The following P3H3 variants were observed in gnomAD, a reference collection of about 807,000 sequenced individuals.
P3H3 encodes gene rich cluster, B.
Under a neutral mutation model 78.1 loss-of-function variants are expected in P3H3, and 64 were observed. The ratio of observed to expected loss-of-function variants is 0.82; its 90% CI spans 0.67 to 1.01. The LOEUF is 1.01. P3H3 is among the 50% of genes least tolerant of loss of function. The probability of loss-of-function intolerance (pLI) is 0.00; values close to 1 mark genes in which losing one functional copy is unlikely to be tolerated. For missense variants in P3H3, 975 were observed against 982.2 expected (o/e 0.99, Z 0.10); for synonymous variants, 425 against 416.7 (o/e 1.02, Z -0.24).
intron 9 of P3H3, among the ~76,000 whole-genome samples, chr12:6,834,379 G>A (rs1943476758): frequency 1.3e-5 from 2 of 152,294 alleles, no homozygotes; most frequent in Non-Finnish European, 1.5e-5. Flanking sequence ...CAGCAGACAC[G>A]CAGGCCTTTC....
chr12:6,830,055 C>T lies in P3H3; in HGVS notation c.651+44C>T, dbSNP rs782034168. 10 of 1,609,124 alleles carry T rather than the reference C, an allele frequency of 6.2e-6. No homozygotes were observed. The Admixed American group carries it at 1.7e-4, about 27-fold the overall frequency. On this transcript the variant is annotated intron_variant, in intron 2 of 14. Transcript: ENST00000290510. ...CCCCTGTCTTGCCACCAGCCTTTTC[C>T]TGGCTGGATACACAGGCCTCACTAA...
rs782309487 is a variant in P3H3 at position 6,831,062 on chromosome 12, C to T, written c.986-154C>T. On this transcript the variant is annotated intron_variant, in intron 4 of 14. Coordinates refer to ENST00000290510, the MANE Select transcript of P3H3 (RefSeq NM_014262.5). This position sits in a 1 kb window ranked among gnomAD's most constrained non-coding sequence, Gnocchi z 4.6. ...TGTTTGCACCAGTGTTTGAAAGAAC[C>T]GGCAGCTGAACTTGTCTGCCAGTGG... 2.2e-5 allele frequency: 22 copies of T among 1,006,984 alleles called. No individual in the cohort carries two copies. Among genetic ancestry groups the T allele is most frequent in the Middle Eastern group, 2.0e-4 (1 of 4,926 alleles). The allele number at this position is 1,006,984 out of a possible 1,614,324, so 62.4% of individuals were successfully genotyped here.
In P3H3 at chr12:6,837,003, G is replaced by T; in HGVS notation, c.1477G>T (p.Ala493Ser). ...TATTTAGGATGCAGCTGGGGCTGGA[G>T]CCAGGTCTGGCTATCGTGGTCGCCG... ...QLAKDAAGAG[A>S]RSGYRGRRSP... is the part of the protein sequence containing the mutation. Residue 493 changes from alanine to serine, a missense_variant, in exon 10 of 15, where the codon GCC becomes TCC. Physicochemically the swap from Ala to Ser is moderately conservative, Grantham distance 99. Coordinates refer to ENST00000290510, the MANE Select transcript of P3H3 (RefSeq NM_014262.5). The T allele has an allele frequency of 1.2e-6, 2 of 1,611,120 alleles. No homozygotes were observed. Among genetic ancestry groups the T allele is most frequent in the African/African-American group, 1.3e-5 (1 of 75,040 alleles).
intron 6 of P3H3, 49 bp from the exon 7 acceptor site, chr12:6,833,543 T>C (rs782113215): frequency 2.3e-5 from 36 of 1,574,886 alleles, no homozygotes; most frequent in Non-Finnish European, 3.0e-5. Flanking sequence ...TGTCAGGGAT[T>C]CCAGGGGCTG....
In P3H3 at chr12:6,837,559, G is replaced by A. The variant is rs377494942; in HGVS notation, c.1697G>A (p.Arg566His). The change falls in exon 11 of 15, where the codon CGC (arginine) becomes CAC (histidine). Residue 566 changes from arginine to histidine, a missense_variant. By Grantham distance (29) the Arg-to-His change is conservative. Coordinates refer to ENST00000290510, the MANE Select transcript of P3H3 (RefSeq NM_014262.5). ...LHLSFTHLVC[R>H]SAIEGEQEQR... ...CTGTCCTTCACCCACCTGGTGTGCC[G>A]CAGCGCCATAGAAGGTACGACAGGG... is the stretch of plus-strand genomic sequence containing the variant. 8 of 1,612,094 alleles carry A rather than the reference G, an allele frequency of 5.0e-6. No individual in the cohort carries two copies. Among genetic ancestry groups the A allele is most frequent in the African/African-American group, 4.0e-5 (3 of 74,804 alleles).
In P3H3 at chr12:6,828,775, G is replaced by T; in HGVS notation, c.335G>T (p.Arg112Leu). The part of the protein sequence containing the change: ...GPGPTQGSWE[R>L]QLLRAALRRA... ...GGACCCACGCAGGGGTCCTGGGAGC[G>T]ACAGCTTCTCCGTGCAGCGCTCCGC... The change falls in exon 1 of 15, where the codon CGA becomes CTA. Residue 112 changes from arginine to leucine, a missense_variant. Transcript: ENST00000290510. 3 of 1,242,318 alleles carry T rather than the reference G, an allele frequency of 2.4e-6. No homozygotes were observed. The highest frequency in any genetic ancestry group is 4.2e-5 in the Admixed American group (1 of 23,662). The allele number at this position is 1,242,318 out of a possible 1,614,324, so 77.0% of individuals were successfully genotyped here. A position where few individuals can be genotyped will look rare whatever the true frequency, so the allele number is the denominator to read the frequency against.
chr12:6,830,683 G>T lies in P3H3; in HGVS notation c.898G>T (p.Glu300Ter). The T allele has an allele frequency of 6.2e-7, 1 of 1,613,592 alleles. No individual in the cohort carries two copies. The highest frequency in any genetic ancestry group is 1.1e-5 in the South Asian group (1 of 91,030). Reference protein sequence around the residue: ...VLQCRQRCVGETATRPGRSFP... With the variant: ...VLQCRQRCVG ...GCAGTGCCGGCAACGCTGTGTGGGGGAAACAGCCACACGCCCTGGTCGCAG... is the reference window on the plus strand; with the variant it reads ...GCAGTGCCGGCAACGCTGTGTGGGGTAAACAGCCACACGCCCTGGTCGCAG... The change falls in exon 4 of 15, where the codon GAA becomes TAA. Residue 300 changes from glutamate to a stop codon, truncating the protein, a stop_gained. Coordinates refer to ENST00000290510, the MANE Select transcript of P3H3 (RefSeq NM_014262.5). LOFTEE classifies it high-confidence loss of function.
In P3H3 at chr12:6,839,010, G is replaced by T. The variant is rs781841404; in HGVS notation, c.1916G>T (p.Arg639Leu). ...PNALTVTARV[R>L]PRCGRLVAFS... ...CCCTCATCCCTCCAGGCTCGGGTGC[G>T]TCCTCGCTGTGGGCGCCTTGTGGCC... Residue 639 changes from arginine to leucine, a missense_variant, in exon 14 of 15, where the codon CGT becomes CTT. Transcript: ENST00000290510. 1.3e-6 allele frequency: 2 copies of T among 1,599,084 alleles called. No individual in the cohort carries two copies. The highest frequency in any genetic ancestry group is 1.7e-6 in the Non-Finnish European group (2 of 1,172,956).
Position 6,837,024 on chromosome 12 carries a change from C to G in P3H3, c.1498C>G (p.Arg500Gly). Residue 500 changes from arginine (R) to glycine (G), a missense_variant, in exon 10 of 15, where the codon CGC (arginine) becomes GGC (glycine). Physicochemically the swap from Arg to Gly is moderately radical, Grantham distance 125. Transcript: ENST00000290510. The part of the protein sequence containing the change: ...GAGARSGYRG[R>G]RSPHTPHERF... ...TGGAGCCAGGTCTGGCTATCGTGGT[C>G]GCCGCTCCCCTCACACCCCCCATGA... The G allele has an allele frequency of 6.2e-7, 1 of 1,609,490 alleles. No individual in the cohort carries two copies. The highest frequency in any genetic ancestry group is 8.5e-7 in the Non-Finnish European group (1 of 1,179,808).
At position 6,828,461 on chromosome 12, in the gene P3H3, G is replaced by GCTGCTGCTA; in HGVS notation, c.30_38dup (p.Leu12_Leu14dup). 9.2e-7 allele frequency: 1 copy of GCTGCTGCTA among 1,090,754 alleles called. No individual in the cohort carries two copies. Among genetic ancestry groups the GCTGCTGCTA allele is most frequent in the Non-Finnish European group, 1.2e-6 (1 of 805,030 alleles). 67.6% of individuals were successfully genotyped at this position (1,090,754 alleles called of 1,614,324 possible). The stretch of plus-strand genomic sequence containing the variant: ...ACATCATGCTCCGGCTCCTCCGGCC[G>GCTGCTGCTA]CTGCTGCTACTGCTGCTGCTGCCTC... On this transcript the variant is annotated inframe_insertion, in exon 1 of 15. Transcript: ENST00000290510.
Position 6,828,768 on chromosome 12 carries a change from T to C in P3H3, c.328T>C (p.Trp110Arg). The C allele has an allele frequency of 1.6e-6, 2 of 1,242,772 alleles. No individual in the cohort carries two copies. The highest frequency in any genetic ancestry group is 2.0e-6 in the Non-Finnish European group (2 of 993,304). 77.0% of individuals were successfully genotyped at this position (1,242,772 alleles called of 1,614,324 possible). ...DSGPGPTQGS[W>R]ERQLLRAALR... ...CGGGCCGGGACCCACGCAGGGGTCC[T>C]GGGAGCGACAGCTTCTCCGTGCAGC... Residue 110 changes from tryptophan (W) to arginine (R), a missense_variant, in exon 1 of 15, where the codon TGG becomes CGG. By Grantham distance (101) the Trp-to-Arg change is moderately radical. Transcript: ENST00000290510.
Position 6,831,388 on chromosome 12 carries a change from C to G in P3H3, c.1122+36C>G, listed in dbSNP as rs1555121410. 5 of 1,611,582 alleles carry G rather than the reference C, an allele frequency of 3.1e-6. No individual in the cohort carries two copies. The highest frequency in any genetic ancestry group is 4.2e-6 in the Non-Finnish European group (5 of 1,179,560). Reference sequence around the variant, plus strand: ...CTCCACGCTCACCTGGGAGGTAGCCCCAAATCAAACAAATAGACCTGAGAA... The same window carrying G: ...CTCCACGCTCACCTGGGAGGTAGCCGCAAATCAAACAAATAGACCTGAGAA... On this transcript the variant is annotated intron_variant, in intron 5 of 14. Coordinates refer to ENST00000290510, the MANE Select transcript of P3H3 (RefSeq NM_014262.5). The surrounding 1 kb of genome is among the most constrained non-coding windows in gnomAD (Gnocchi z 4.6).
At position 6,834,013 on chromosome 12, in the gene P3H3, C is replaced by T. The variant is rs782683682; in HGVS notation, c.1422C>T (p.Thr474=). 395 of 1,613,756 alleles carry T rather than the reference C, an allele frequency of 2.4e-4. 8 individuals carry two copies. In the South Asian group the frequency reaches 4.0e-3, roughly 16 times the overall value. The change falls in exon 9 of 15, where the codon ACC becomes ACT. Residue 474 remains threonine, a synonymous_variant. Transcript: ENST00000290510. ...GGGCGGTGTTGGATGGGCTGCTCAC[C>T]CCAGCCGAGTGTGGGGTGCTGCTGC... ...SERAVLDGLL[T]PAECGVLLQL...
chr12:6,839,582 G>C lies in P3H3; in HGVS notation c.*121G>C, dbSNP rs1943540329. On this transcript the variant is annotated 3_prime_UTR_variant, in exon 15 of 15. Coordinates refer to ENST00000290510, the MANE Select transcript of P3H3 (RefSeq NM_014262.5). The stretch of plus-strand genomic sequence containing the variant: ...GCAGAACAGCAAGCTCTCTGTCCCT[G>C]CACCCCCACCATCTTGGGGACCTAC... The C allele has an allele frequency of 8.3e-7, 1 of 1,199,100 alleles. No homozygotes were observed. Among genetic ancestry groups the C allele is most frequent in the Non-Finnish European group, 1.1e-6 (1 of 874,662 alleles). 74.3% of individuals were successfully genotyped at this position (1,199,100 alleles called of 1,614,324 possible). A position where few individuals can be genotyped will look rare whatever the true frequency, so the allele number is the denominator to read the frequency against.
chr12:6,837,401 C>A, intron 10 of P3H3, 22 bp from the exon 11 acceptor site: 2 of 1,600,320 alleles, frequency 1.2e-6, no homozygotes, highest in Non-Finnish European at 1.7e-6. Context: ...TCCTTTTCTG[C>A]CCTGCCTTTC....
At chr12:6,838,900 A>G in intron 13 of P3H3, 100 bp from the exon 14 acceptor site, 1 of 1,017,134 alleles carries the variant, frequency 9.8e-7, no homozygotes, top group Non-Finnish European at 1.4e-6. Flanking sequence ...GAGAGAGCTG[A>G]TCCTCTCTGT....
intron 9 of P3H3, 93 bp from the exon 10 acceptor site, chr12:6,836,892 T>C (rs1246527149): frequency 3.4e-5 from 29 of 849,022 alleles, no homozygotes; most frequent in Middle Eastern, 2.2e-4. Flanking sequence ...TAGCTTCTTC[T>C]GGAGAGCGGG....
chr12:6,839,182 T>G, intron 14 of P3H3, 42 bp downstream of exon 14: 2 of 1,576,920 alleles, frequency 1.3e-6, no homozygotes, highest in Non-Finnish European at 1.7e-6. Context: ...TCCTGGTGCG[T>G]GAAGGGTGGG....
Position 6,837,095 on chromosome 12 carries a change from A to AGGAGGCACCC in P3H3, c.1560+12_1560+21dup. ...TGCTTAAGGCTGCGCAGGTGAGCAC[A>AGGAGGCACCC]GGAGGCACCCGGGCCCGTCTGATGC... is the stretch of plus-strand genomic sequence containing the variant. On this transcript the variant is annotated intron_variant, in intron 10 of 14. Transcript: ENST00000290510. 5 of 1,597,516 alleles carry AGGAGGCACCC rather than the reference A, an allele frequency of 3.1e-6. No homozygotes were observed. The highest frequency in any genetic ancestry group is 3.4e-6 in the Non-Finnish European group (4 of 1,176,366).
Sources: gnomAD v4.1 joint callset for allele counts (sites outside exome capture counted in the v4.1 genomes callset) on GRCh38, gnomAD v4.1.1 for gene constraint, Gnocchi (gnomAD v3.1) non-coding constraint, MANE v1.5 for transcripts, NCBI Gene and HGNC (gene_info 2026-07-23, HGNC 2026-07-21) for gene names.